Variants in MYO1B observed in about 807,000 individuals in gnomAD.
MYO1B encodes unconventional myosin-Ib.
In MYO1B, 72 loss-of-function variants were observed where a neutral mutation model predicts 159.7. The ratio of observed to expected loss-of-function variants is 0.45; its 90% CI spans 0.37 to 0.55. MYO1B has a LOEUF of 0.55. Among genes scored for constraint, MYO1B ranks in the 20% least tolerant of loss-of-function variants. The pLI, the probability that MYO1B is intolerant of heterozygous loss-of-function variation, is 0.00. For missense variants in MYO1B, 1,062 were observed against 1,364.8 expected, an observed-to-expected ratio of 0.78 and a Z score of 3.50; for synonymous variants, 468 against 473.8, an observed-to-expected ratio of 0.99 and a Z score of 0.16.
intron 1 of MYO1B, chr2:191,248,053 C>A: frequency 2.0e-6 from 2 of 982,554 alleles, no homozygotes; most frequent in Non-Finnish European, 2.4e-6. Flanking sequence ...CAGCATGTAG[C>A]ATCCATGTTT....
chr2:191,283,662 G>C (rs1324747786), intron 2 of MYO1B, among the ~76,000 whole-genome samples: 2 of 152,134 alleles, frequency 1.3e-5, no homozygotes, highest in Non-Finnish European at 2.9e-5. Flanking sequence ...AACTGTCCAC[G>C]ATCACACAGC....
chr2:191,265,162 G>A (rs1340798409), intron 1 of MYO1B, among the ~76,000 whole-genome samples: 1 of 150,666 alleles, frequency 6.6e-6, no homozygotes, highest in African/African-American at 2.4e-5. Context: ...GTCACTAAAA[G>A]AGCCTGAACG....
chr2:191,409,022 A>G, intron 25 of MYO1B, 22 bp from the exon 26 acceptor site: 1 of 1,594,384 alleles, frequency 6.3e-7, no homozygotes, highest in Non-Finnish European at 8.5e-7. Context: ...CTCATGTAGT[A>G]TTTTCTGTCA....
At chr2:191,423,510 C>T (rs1453966158) in intron 30 of MYO1B, among the ~76,000 whole-genome samples, 3 of 152,120 alleles carry the variant, frequency 2.0e-5, no homozygotes, top group African/African-American at 7.2e-5. Context: ...GTCACTAAGC[C>T]ATAGGAATTT....
intron 7 of MYO1B, among the ~76,000 whole-genome samples, chr2:191,358,118 G>A (rs774954626): frequency 5.9e-5 from 9 of 151,516 alleles, no homozygotes; most frequent in Admixed American, 5.3e-4. Flanking sequence ...TTTTTTGGCT[G>A]GAAAATTATA....
At chr2:191,272,293 TAGAG>T (rs1237434435) in intron 1 of MYO1B, among the ~76,000 whole-genome samples, 12 of 152,200 alleles carry the variant, frequency 7.9e-5, no homozygotes, top group African/African-American at 2.9e-4. Flanking sequence ...TACCCTTAGA[TAGAG>T]AGACTGCTTT....
chr2:191,278,509 C>T (rs1687875165), intron 2 of MYO1B, among the ~76,000 whole-genome samples: 1 of 152,200 alleles, frequency 6.6e-6, no homozygotes, highest in African/African-American at 2.4e-5. Context: ...TTGACCTTTT[C>T]ATTCTTCTCA....
At position 191,259,928 on chromosome 2, in the gene MYO1B, A is replaced by C. The variant is rs530828997; in HGVS notation, c.-10+14302A>C. On this transcript the variant is annotated intron_variant, in intron 1 of 30. Transcript: ENST00000392318. ...AATGCAAGGTCCGGAGCTTAGGGAA[A>C]AGCCAGGGCCTGGGGTTCAGATGAG... is the stretch of plus-strand genomic sequence containing the variant. Among the ~76,000 whole-genome samples the C allele has an allele frequency of 1.7e-3, 262 of 152,180 alleles. 1 individual carries two copies. Among genetic ancestry groups the C allele is most frequent in the African/African-American group, 5.5e-3 (230 of 41,520 alleles).
chr2:191,381,235 T>G, intron 13 of MYO1B: 1 of 565,256 alleles, frequency 1.8e-6, no homozygotes, highest in Non-Finnish European at 3.2e-6. Flanking sequence ...TCTTCATCCT[T>G]CAAATATTGC....
At chr2:191,247,332 G>A (rs904802566) in intron 1 of MYO1B, among the ~76,000 whole-genome samples, 6 of 152,282 alleles carry the variant, frequency 3.9e-5, no homozygotes, top group African/African-American at 9.6e-5. Context: ...GATGAACCAA[G>A]TTTGAAAGCC....
chr2:191,408,314 A>G, intron 25 of MYO1B, 125 bp downstream of exon 25: 2 of 630,150 alleles, frequency 3.2e-6, no homozygotes, highest in South Asian at 4.3e-5. Flanking sequence ...TAATTAAATC[A>G]TAGCTGTGAC....
intron 3 of MYO1B, among the ~76,000 whole-genome samples, chr2:191,315,455 C>G (rs1176176097): frequency 6.6e-6 from 1 of 152,084 alleles, no homozygotes. Flanking sequence ...TTCTAAAACT[C>G]AGAGCAAAGG....
chr2:191,334,117 GT>G (rs35981729), intron 4 of MYO1B, among the ~76,000 whole-genome samples: 46,192 of 146,108 alleles, frequency 0.32, 7,208 homozygotes, highest in South Asian at 0.46. Flanking sequence ...GTGACTAACG[GT>G]TTTTTTTTTT....
chr2:191,329,236 A>G (rs1313982222), intron 3 of MYO1B, among the ~76,000 whole-genome samples: 1 of 152,148 alleles, frequency 6.6e-6, no homozygotes, highest in Non-Finnish European at 1.5e-5. Context: ...GCCCTTTGTC[A>G]TCCTAAGGCA....
chr2:191,315,201 A>G (rs937422431), intron 3 of MYO1B, among the ~76,000 whole-genome samples: 7 of 151,524 alleles, frequency 4.6e-5, no homozygotes, highest in Admixed American at 1.3e-4. Flanking sequence ...CCACCCATCC[A>G]TCTTCCCATC....
Position 191,386,011 on chromosome 2 carries a change from G to A in MYO1B, c.1481G>A (p.Ser494Asn). Residue 494 changes from serine (S) to asparagine (N), a missense_variant, in exon 16 of 31, where the codon AGC (serine) becomes AAC (asparagine). Ser to Asn is a conservative substitution (Grantham distance 46, BLOSUM62 1). Coordinates refer to ENST00000392318, the MANE Select transcript of MYO1B (RefSeq NM_001130158.3). ...ATHQHFESRM[S>N]KCSRFLNDTS... ...CACCAGCATTTTGAGAGCAGGATGA[G>A]CAAGTGCTCTCGGTTCCTCAATGAC... The A allele has an allele frequency of 1.2e-6, 2 of 1,614,100 alleles. No individual in the cohort carries two copies. The highest frequency in any genetic ancestry group is 2.2e-5 in the East Asian group (1 of 44,886).
intron 3 of MYO1B, among the ~76,000 whole-genome samples, chr2:191,297,017 C>T (rs933731806): frequency 6.6e-6 from 1 of 152,070 alleles, no homozygotes; most frequent in Non-Finnish European, 1.5e-5. Flanking sequence ...GAGAGAATAC[C>T]CAGAAATTAT....
At chr2:191,284,951 ATTAG>A (rs1313650880) in intron 2 of MYO1B, among the ~76,000 whole-genome samples, 1 of 152,092 alleles carries the variant, frequency 6.6e-6, no homozygotes, top group Non-Finnish European at 1.5e-5. Flanking sequence ...TGGTATTTTC[ATTAG>A]TTAGATTCTT....
chr2:191,295,029 T>C (rs1688902228), intron 2 of MYO1B, among the ~76,000 whole-genome samples: 1 of 152,182 alleles, frequency 6.6e-6, no homozygotes, highest in African/African-American at 2.4e-5. Context: ...TGGGATGACA[T>C]TGGAAAGGTG....
Sources: allele counts gnomAD v4.1 joint callset (sites outside exome capture counted in the v4.1 genomes callset), GRCh38; gene constraint gnomAD v4.1.1; transcripts MANE v1.5; gene names NCBI Gene and HGNC (gene_info 2026-07-23, HGNC 2026-07-21).